The following NAV3 variants were observed in gnomAD, a reference collection of about 807,000 sequenced individuals.
The protein encoded by NAV3 is neuron navigator 3.
Under a neutral mutation model 244.7 loss-of-function variants are expected in NAV3, and 87 were observed. The ratio of observed to expected loss-of-function variants is 0.36; its 90% CI spans 0.30 to 0.42. NAV3 has a LOEUF of 0.42. Ranked by LOEUF, NAV3 falls within the 20% of genes least tolerant of loss-of-function variation. The probability of loss-of-function intolerance (pLI) is 1.00; values close to 1 mark genes in which losing one functional copy is unlikely to be tolerated. For missense variants in NAV3, 2,663 were observed against 2,893.3 expected, an observed-to-expected ratio of 0.92 and a Z score of 1.83; for synonymous variants, 1,126 against 1,042.2, an observed-to-expected ratio of 1.08 and a Z score of -1.55.
At chr12:77,657,844 C>G (rs1471074934) in intron 2 of NAV3, among the ~76,000 whole-genome samples, 28 of 152,102 alleles carry the variant, frequency 1.8e-4, no homozygotes, top group Middle Eastern at 6.8e-3. Context: ...TAAACAGAAC[C>G]AAAGACAAAA....
intron 9 of NAV3, among the ~76,000 whole-genome samples, chr12:78,027,999 G>A (rs1203875825): frequency 6.6e-6 from 1 of 151,932 alleles, no homozygotes; most frequent in African/African-American, 2.4e-5. Flanking sequence ...AGAAAGTCAA[G>A]CTGTTGGAGA....
rs1958288518 is a variant in NAV3 at position 78,177,531 on chromosome 12, G to A, written c.5298-89G>A. On this transcript the variant is annotated intron_variant, in intron 27 of 39. Coordinates refer to ENST00000397909, the MANE Select transcript of NAV3 (RefSeq NM_001024383.2). Reference sequence around the variant, plus strand: ...ATATGTTAGAATTCAAGTGTTTCTTGATCTCATTCTCCAGTTTTCTGAATC... The same window carrying A: ...ATATGTTAGAATTCAAGTGTTTCTTAATCTCATTCTCCAGTTTTCTGAATC... 3.1e-6 allele frequency: 4 copies of A among 1,272,920 alleles called. No homozygotes were observed. The East Asian group carries it at 9.8e-5, about 31-fold the overall frequency. The allele number at this position is 1,272,920 out of a possible 1,614,324, so 78.9% of individuals were successfully genotyped here.
intron 2 of NAV3, among the ~76,000 whole-genome samples, chr12:77,648,566 A>C (rs984011602): frequency 6.6e-6 from 1 of 152,050 alleles, no homozygotes; most frequent in Non-Finnish European, 1.5e-5. Context: ...ATGGCACAAC[A>C]CTCAGTGGAA....
intron 1 of NAV3, among the ~76,000 whole-genome samples, chr12:77,867,098 C>T (rs767251678): frequency 6.6e-6 from 1 of 152,266 alleles, no homozygotes; most frequent in East Asian, 1.9e-4. Flanking sequence ...TGTGTCCTTA[C>T]CCAAATCTCA....
At chr12:77,766,746 T>TTTTTTTTTG (rs1869787001) in intron 2 of NAV3, among the ~76,000 whole-genome samples, 1 of 27,642 alleles carries the variant, frequency 3.6e-5, no homozygotes, top group Non-Finnish European at 7.4e-5. Context: ...TTTTTTTTTT[T>TTTTTTTTTG]TTTTTTTTTT....
chr12:77,788,127 TA>T (rs1423222111), intron 2 of NAV3, among the ~76,000 whole-genome samples: 6 of 152,190 alleles, frequency 3.9e-5, no homozygotes, highest in Non-Finnish European at 8.8e-5. Flanking sequence ...TCTTCATGTA[TA>T]AAATATAAAT....
chr12:78,146,456 G>T, intron 21 of NAV3, 64 bp downstream of exon 21: 1 of 705,546 alleles, frequency 1.4e-6, no homozygotes, highest in Non-Finnish European at 2.1e-6. Flanking sequence ...GATGAAATTA[G>T]TCTTGTGACC....
chr12:77,936,781 G>T (rs1889367448), intron 1 of NAV3, among the ~76,000 whole-genome samples: 1 of 152,046 alleles, frequency 6.6e-6, no homozygotes, highest in East Asian at 1.9e-4. Flanking sequence ...AGTTGACAAG[G>T]TTGTTTGTAT....
chr12:77,692,742 A>G (rs924658211), intron 2 of NAV3, among the ~76,000 whole-genome samples: 12 of 151,810 alleles, frequency 7.9e-5, no homozygotes, highest in African/African-American at 2.7e-4. Context: ...AAAAGAAATA[A>G]TAGTGTGCAA....
rs1472185815 is a variant in NAV3 at position 77,720,350 on chromosome 12, T to G, written c.72+148084T>G. On this transcript the variant is annotated intron_variant, in intron 2 of 8. Coordinates refer to the NAV3 transcript ENST00000550042. Reference sequence around the variant, plus strand: ...TTACCCATCAGCTGGCTAGTGATTCTGGGGGCCACTCAAGCGTTTTTCTGT... The same window carrying G: ...TTACCCATCAGCTGGCTAGTGATTCGGGGGGCCACTCAAGCGTTTTTCTGT... 5.3e-5 allele frequency among the ~76,000 whole-genome samples: 8 copies of G among 152,330 alleles called. No individual in the cohort carries two copies. In the East Asian group the frequency reaches 1.5e-3, roughly 29 times the overall value.
chr12:77,810,386 T>C (rs558929628), intron 2 of NAV3, among the ~76,000 whole-genome samples: 4 of 152,178 alleles, frequency 2.6e-5, no homozygotes, highest in Admixed American at 2.6e-4. Flanking sequence ...TTAGCCAGGA[T>C]GGTCTCGATC....
intron 12 of NAV3, among the ~76,000 whole-genome samples, chr12:78,094,041 T>A (rs754277680): frequency 4.6e-5 from 7 of 152,180 alleles, no homozygotes; most frequent in Non-Finnish European, 1.0e-4. Context: ...AGTCTCGCCA[T>A]GTGGCCCAGG....
chr12:78,025,227 C>A (rs981352569), intron 9 of NAV3, among the ~76,000 whole-genome samples: 2 of 152,146 alleles, frequency 1.3e-5, no homozygotes, highest in African/African-American at 2.4e-5. Context: ...GCTATTTGTC[C>A]TCTTCTAAGA....
chr12:78,109,124 C>T (rs1260848726), intron 12 of NAV3, among the ~76,000 whole-genome samples: 4 of 151,834 alleles, frequency 2.6e-5, no homozygotes, highest in African/African-American at 7.2e-5. Flanking sequence ...GGAGACATTA[C>T]AACAGATGCC....
intron 2 of NAV3, among the ~76,000 whole-genome samples, chr12:77,624,409 CAG>C (rs1871522760): frequency 1.3e-5 from 2 of 152,080 alleles, no homozygotes; most frequent in African/African-American, 4.8e-5. Context: ...AGCTTTTACT[CAG>C]AGTCACCTCA....
chr12:77,796,501 G>T (rs1455696236), intron 2 of NAV3, among the ~76,000 whole-genome samples: 1 of 152,166 alleles, frequency 6.6e-6, no homozygotes, highest in African/African-American at 2.4e-5. Flanking sequence ...TGACAACAAA[G>T]GATTCAGAAT....
chr12:78,066,286 A>C (rs1334616155), intron 12 of NAV3, among the ~76,000 whole-genome samples: 1 of 152,114 alleles, frequency 6.6e-6, no homozygotes, highest in Non-Finnish European at 1.5e-5. Flanking sequence ...GGTTGATTAG[A>C]AGGTTTTTAC....
intron 2 of NAV3, among the ~76,000 whole-genome samples, chr12:77,659,675 G>T (rs535190359): frequency 6.6e-6 from 1 of 152,088 alleles, no homozygotes; most frequent in South Asian, 2.1e-4. Context: ...GTTTATTGCG[G>T]CACTATTCAC....
chr12:77,694,773 T>C (rs1255635338), intron 2 of NAV3, among the ~76,000 whole-genome samples: 1 of 152,174 alleles, frequency 6.6e-6, no homozygotes, highest in Non-Finnish European at 1.5e-5. Flanking sequence ...ATTGGGTCAC[T>C]TGTGAACACA....
Sources: gnomAD v4.1 joint callset for allele counts (sites outside exome capture counted in the v4.1 genomes callset) on GRCh38, gnomAD v4.1.1 for gene constraint, MANE v1.5 for transcripts, NCBI Gene and HGNC (gene_info 2026-07-23, HGNC 2026-07-21) for gene names.